FARP2: variants seen among roughly 807,000 people sequenced by gnomAD.
FARP2 encodes the protein FERM, ARH/RhoGEF and pleckstrin domain protein 2, also known as FERM, ARHGEF and pleckstrin domain-containing protein 2.
Under a neutral mutation model 130.5 loss-of-function variants are expected in FARP2, and 111 were observed. The ratio of observed to expected loss-of-function variants is 0.85; its 90% CI spans 0.73 to 1.00. The LOEUF is 1.00. Among genes scored for constraint, FARP2 ranks in the 50% least tolerant of loss-of-function variants. FARP2 has a pLI of 0.00. For missense variants in FARP2, 1,385 were observed against 1,346.3 expected (o/e 1.03, Z -0.45); for synonymous variants, 504 against 516.9 (o/e 0.98, Z 0.34).
At chr2:241,462,672 G>C (rs41266961) in intron 15 of FARP2, 60 bp downstream of exon 15, 75,871 of 1,108,862 alleles carry the variant, frequency 0.068, 2,947 homozygotes, top group Middle Eastern at 0.12. Flanking sequence ...TCTGAACACA[G>C]AGAAATATCT....
At chr2:241,418,184 T>G (rs551767516) in intron 8 of FARP2, 75 bp downstream of exon 8, 2 of 1,508,146 alleles carry the variant, frequency 1.3e-6, no homozygotes, top group East Asian at 4.5e-5. Context: ...TTTGTTCTTA[T>G]AGATGTTAGT....
intron 16 of FARP2, 61 bp from the exon 17 acceptor site, chr2:241,463,838 A>G: frequency 7.0e-7 from 1 of 1,432,588 alleles, no homozygotes; most frequent in Non-Finnish European, 9.8e-7. Flanking sequence ...CCTGCGTCAG[A>G]TTACAGTGCC....
At chr2:241,435,946 T>C (rs1332378365) in intron 11 of FARP2, among the ~76,000 whole-genome samples, 2 of 139,754 alleles carry the variant, frequency 1.4e-5, no homozygotes, top group Admixed American at 7.4e-5. Context: ...GGAGTCTTGC[T>C]CTGTCGTCCA....
chr2:241,367,436 TAGAA>T (rs1328665546), intron 1 of FARP2, among the ~76,000 whole-genome samples: 1 of 152,172 alleles, frequency 6.6e-6, no homozygotes, highest in Non-Finnish European at 1.5e-5. Context: ...TACTAATGCT[TAGAA>T]AGAGAATAAA....
intron 1 of FARP2, among the ~76,000 whole-genome samples, chr2:241,362,980 ACTGT>A (rs1216215554): frequency 1.3e-5 from 2 of 152,350 alleles, no homozygotes; most frequent in African/African-American, 4.8e-5. Context: ...TGCCTCTCCC[ACTGT>A]CTGTGGCTGT....
chr2:241,471,867 C>A (rs1288427800), intron 18 of FARP2, among the ~76,000 whole-genome samples: 11 of 151,744 alleles, frequency 7.2e-5, no homozygotes, highest in Non-Finnish European at 1.0e-4. Context: ...CTGAAGGGAA[C>A]CTGTTCTGTC....
At chr2:241,421,930 G>C (rs774232798) in intron 8 of FARP2, among the ~76,000 whole-genome samples, 4 of 152,112 alleles carry the variant, frequency 2.6e-5, no homozygotes, top group Admixed American at 6.6e-5. Flanking sequence ...GATCACTTGA[G>C]GTCAGGAGTT....
chr2:241,486,099 T>C (rs2064745594), intron 21 of FARP2, among the ~76,000 whole-genome samples: 1 of 152,130 alleles, frequency 6.6e-6, no homozygotes, highest in African/African-American at 2.4e-5. Context: ...AGTATACTTT[T>C]AAAAATTACA....
At chr2:241,432,596 G>A (rs527896874) in intron 9 of FARP2, among the ~76,000 whole-genome samples, 2 of 152,312 alleles carry the variant, frequency 1.3e-5, no homozygotes, top group East Asian at 3.9e-4. Context: ...AATTGAAGAA[G>A]CCTTGATTAT....
chr2:241,489,421 G>C (rs151152355), intron 21 of FARP2: 19 of 152,574 alleles, frequency 1.2e-4, no homozygotes, highest in African/African-American at 4.1e-4. Flanking sequence ...TTTGACTTCT[G>C]ATAGGATGAA....
At chr2:241,406,114 T>C (rs190621982) in intron 4 of FARP2, among the ~76,000 whole-genome samples, 281 of 151,938 alleles carry the variant, frequency 1.8e-3, no homozygotes, top group Middle Eastern at 6.8e-3. Flanking sequence ...CCATCCTGGC[T>C]AACATGGTGA....
chr2:241,387,474 G>T (rs943240415), intron 2 of FARP2, among the ~76,000 whole-genome samples: 3 of 152,196 alleles, frequency 2.0e-5, no homozygotes, highest in Non-Finnish European at 1.5e-5. Context: ...CACTAGCAAT[G>T]AACAATTCCA....
chr2:241,447,039 T>C (rs1285039770), intron 13 of FARP2: 2 of 152,264 alleles, frequency 1.3e-5, no homozygotes, highest in South Asian at 2.1e-4. Context: ...GTGGTACTTA[T>C]AAAATTTGTT....
At chr2:241,366,854 A>C (rs1365931383) in intron 1 of FARP2, among the ~76,000 whole-genome samples, 1 of 151,982 alleles carries the variant, frequency 6.6e-6, no homozygotes. Flanking sequence ...GCCGTGACTC[A>C]GTTTGTTAAT....
intron 1 of FARP2, among the ~76,000 whole-genome samples, chr2:241,361,531 C>T (rs2061186148): frequency 6.6e-6 from 1 of 152,128 alleles, no homozygotes; most frequent in Admixed American, 6.5e-5. Context: ...TGGGAAAAGG[C>T]AGTAGTCTTA....
intron 21 of FARP2, 32 bp downstream of exon 21, chr2:241,484,363 C>T (rs775655220): frequency 1.3e-6 from 2 of 1,582,350 alleles, no homozygotes; most frequent in Non-Finnish European, 1.7e-6. Context: ...CTGGGATTTC[C>T]ACGTGGTGCT....
intron 2 of FARP2, among the ~76,000 whole-genome samples, chr2:241,382,880 G>A (rs1437885933): frequency 6.6e-6 from 1 of 151,906 alleles, no homozygotes; most frequent in Non-Finnish European, 1.5e-5. Context: ...TTTTTGTTTT[G>A]TGCAGTTTTT....
intron 18 of FARP2, among the ~76,000 whole-genome samples, chr2:241,474,562 G>A (rs2064405510): frequency 1.3e-5 from 2 of 151,622 alleles, no homozygotes; most frequent in Admixed American, 1.3e-4. Flanking sequence ...AGGCCAAGGT[G>A]AGTAGATCAT....
At chr2:241,484,724 G>C (rs1476428848) in intron 21 of FARP2, among the ~76,000 whole-genome samples, 1 of 152,216 alleles carries the variant, frequency 6.6e-6, no homozygotes, top group African/African-American at 2.4e-5. Context: ...GTAGGCACAT[G>C]CCTGGGATGG....
Sources: allele counts gnomAD v4.1 joint callset (sites outside exome capture counted in the v4.1 genomes callset), GRCh38; gene constraint gnomAD v4.1.1; transcripts MANE v1.5; gene names NCBI Gene and HGNC (gene_info 2026-07-23, HGNC 2026-07-21).